The following UNC5C variants were observed in gnomAD, a reference collection of about 807,000 sequenced individuals.
The protein encoded by UNC5C is unc-5 netrin receptor C.
A neutral mutation model predicts 99.8 loss-of-function variants in UNC5C; 47 were observed. The observed-to-expected ratio is 0.47, with a 90% CI of 0.37 to 0.60. The LOEUF (loss-of-function observed/expected upper bound fraction) is 0.60. UNC5C is among the 20% of genes least tolerant of loss of function. UNC5C has a pLI of 0.00. For synonymous variants in UNC5C, 487 were observed against 452.2 expected (o/e 1.08, Z -0.98); for missense variants, 1,062 against 1,165.9 (o/e 0.91, Z 1.30).
chr4:95,319,847 C>T (rs1250270994), intron 2 of UNC5C, among the ~76,000 whole-genome samples: 3 of 152,044 alleles, frequency 2.0e-5, no homozygotes, highest in Non-Finnish European at 4.4e-5. Flanking sequence ...AAGATTTTGA[C>T]CAAATTATTG....
chr4:95,170,359 A>C, intron 14 of UNC5C, 27 bp from the exon 15 acceptor site: 1 of 1,608,984 alleles, frequency 6.2e-7, no homozygotes, highest in Non-Finnish European at 8.5e-7. Flanking sequence ...GGAACAACAC[A>C]GCATTATTTC....
intron 1 of UNC5C, among the ~76,000 whole-genome samples, chr4:95,430,880 T>C (rs1311187518): frequency 6.6e-6 from 1 of 152,084 alleles, no homozygotes; most frequent in Admixed American, 6.6e-5. Flanking sequence ...CTAGTGGTGT[T>C]TAGCAGGATG....
chr4:95,334,475 C>T (rs1743254964), intron 2 of UNC5C, among the ~76,000 whole-genome samples: 1 of 151,866 alleles, frequency 6.6e-6, no homozygotes, highest in South Asian at 2.1e-4. Flanking sequence ...TATATGTCAA[C>T]ATTACAAAAT....
chr4:95,270,981 G>A (rs1337319749), intron 4 of UNC5C, among the ~76,000 whole-genome samples: 1 of 152,158 alleles, frequency 6.6e-6, no homozygotes, highest in African/African-American at 2.4e-5. Context: ...AAAAATACAT[G>A]CTTTTTGCTC....
chr4:95,488,715 GC>G (rs544786230), intron 1 of UNC5C, among the ~76,000 whole-genome samples: 96 of 151,692 alleles, frequency 6.3e-4, no homozygotes, highest in African/African-American at 2.2e-3. Context: ...TATGTTAACT[GC>G]CGTAATGTGC....
intron 1 of UNC5C, among the ~76,000 whole-genome samples, chr4:95,460,007 A>C (rs1578175476): frequency 6.6e-6 from 1 of 152,296 alleles, no homozygotes; most frequent in East Asian, 1.9e-4. Flanking sequence ...ATCAAAATAT[A>C]CTGACAGGTA....
intron 1 of UNC5C, among the ~76,000 whole-genome samples, chr4:95,462,211 A>G (rs1005232080): frequency 1.3e-5 from 2 of 152,122 alleles, no homozygotes; most frequent in Non-Finnish European, 2.9e-5. Flanking sequence ...TCTGTTTGAC[A>G]TATGTATGTG....
intron 1 of UNC5C, among the ~76,000 whole-genome samples, chr4:95,453,420 T>C (rs753207879): frequency 2.0e-4 from 30 of 151,126 alleles, no homozygotes; most frequent in Non-Finnish European, 3.7e-4. Flanking sequence ...GCCAATTCCA[T>C]AGTCTTCAAA....
At chr4:95,378,627 T>A (rs1025693296) in intron 1 of UNC5C, among the ~76,000 whole-genome samples, 3 of 152,186 alleles carry the variant, frequency 2.0e-5, no homozygotes, top group Non-Finnish European at 4.4e-5. Flanking sequence ...CAATAGATAT[T>A]TATTTAATGA....
Position 95,206,759 on chromosome 4 carries a change from C to T in UNC5C, c.1771G>A (p.Val591Met). The change falls in exon 11 of 16, where the codon GTG (valine) becomes ATG (methionine). Residue 591 changes from valine (V) to methionine (M), a missense_variant. By Grantham distance (21) the Val-to-Met change is conservative (BLOSUM62 1). Around this residue, in one of 3 missense-constraint regions of UNC5C, gnomAD observed 810 missense variants for 854.5 expected, o/e 0.95. Transcript: ENST00000453304. ...MDDSQTLLTP[V>M]VSCGPPGALL... ...GCTCCTGGGGGCCCACAGCTCACCA[C>T]AGGGGTCAAAAGTGTCTGAGAGTCA... is the stretch of plus-strand genomic sequence containing the variant. 2 of 1,612,904 alleles carry T rather than the reference C, an allele frequency of 1.2e-6. No homozygotes were observed. The highest frequency in any genetic ancestry group is 1.7e-6 in the Non-Finnish European group (2 of 1,179,500).
At chr4:95,439,868 C>T (rs1380159315) in intron 1 of UNC5C, among the ~76,000 whole-genome samples, 1 of 152,116 alleles carries the variant, frequency 6.6e-6, no homozygotes, top group African/African-American at 2.4e-5. Flanking sequence ...CTTCTAATTT[C>T]ATGGCACCAC....
In UNC5C at chr4:95,415,840, C is replaced by T. The variant is rs190136990; in HGVS notation, c.125-80209G>A. 1.7e-3 allele frequency among the ~76,000 whole-genome samples: 262 copies of T among 152,018 alleles called. 6 individuals are homozygous for T. The highest frequency in any genetic ancestry group is 0.016 in the Admixed American group (238 of 15,254). On this transcript the variant is annotated intron_variant, in intron 1 of 15. Transcript: ENST00000453304. ...TTAAATGGCAACCCTAAGAATGATC[C>T]TATCATTCTAAACAAAGATCTTTAC...
intron 1 of UNC5C, among the ~76,000 whole-genome samples, chr4:95,428,990 T>C (rs1746558052): frequency 6.6e-6 from 1 of 152,044 alleles, no homozygotes; most frequent in Non-Finnish European, 1.5e-5. Flanking sequence ...GACTTTCAGC[T>C]TCTTGTAAGG....
At chr4:95,527,840 G>A (rs78828845) in intron 1 of UNC5C, among the ~76,000 whole-genome samples, 6,733 of 152,090 alleles carry the variant, frequency 0.044, 238 homozygotes, top group African/African-American at 0.09. Flanking sequence ...GCATGGCTCT[G>A]ACACTATATT....
intron 1 of UNC5C, among the ~76,000 whole-genome samples, chr4:95,504,250 G>C (rs1011356944): frequency 1.3e-5 from 2 of 151,834 alleles, no homozygotes; most frequent in East Asian, 1.9e-4. Context: ...GAACACTTAG[G>C]GCTTCTGCCT....
At chr4:95,524,821 C>T (rs1003980633) in intron 1 of UNC5C, among the ~76,000 whole-genome samples, 4 of 152,088 alleles carry the variant, frequency 2.6e-5, no homozygotes, top group East Asian at 3.9e-4. Context: ...CAGCTGGAAC[C>T]GGGAGCCAAG....
At chr4:95,180,924 C>T (rs541754955) in intron 14 of UNC5C, among the ~76,000 whole-genome samples, 9 of 152,268 alleles carry the variant, frequency 5.9e-5, no homozygotes, top group Non-Finnish European at 1.3e-4. Flanking sequence ...ATCTTGTACC[C>T]TTTCTTGAAG....
At chr4:95,425,822 G>A (rs1171190869) in intron 1 of UNC5C, among the ~76,000 whole-genome samples, 1 of 151,988 alleles carries the variant, frequency 6.6e-6, no homozygotes, top group Non-Finnish European at 1.5e-5. Context: ...ACATTATATT[G>A]TGCACATTTA....
intron 7 of UNC5C, among the ~76,000 whole-genome samples, chr4:95,229,976 A>G (rs941967042): frequency 6.6e-6 from 1 of 151,042 alleles, no homozygotes; most frequent in African/African-American, 2.4e-5. Flanking sequence ...ATGGCCAACT[A>G]ATTTTTTGTA....
Sources: gnomAD v4.1 joint callset for allele counts (sites outside exome capture counted in the v4.1 genomes callset) on GRCh38, gnomAD v4.1.1 for gene constraint, gnomAD v4.1.1 regional missense constraint, MANE v1.5 for transcripts, NCBI Gene and HGNC (gene_info 2026-07-23, HGNC 2026-07-21) for gene names.